Variants in XKR4 observed in about 807,000 individuals in gnomAD.
XKR4 encodes the protein XK related 4.
A neutral mutation model predicts 53.9 loss-of-function variants in XKR4; 12 were observed. That is an observed-to-expected ratio of 0.22 (90% CI 0.14 to 0.36). The LOEUF (loss-of-function observed/expected upper bound fraction) is 0.36, where lower values mean the gene tolerates loss of function less well. Among genes scored for constraint, XKR4 ranks in the 10% least tolerant of loss-of-function variants. The probability of loss-of-function intolerance (pLI) is 1.00; values close to 1 mark genes in which losing one functional copy is unlikely to be tolerated. For missense variants in XKR4, 799 were observed against 859.5 expected, an observed-to-expected ratio of 0.93 and a Z score of 0.88; for synonymous variants, 354 against 362.4, an observed-to-expected ratio of 0.98 and a Z score of 0.26.
intron 2 of XKR4, among the ~76,000 whole-genome samples, chr8:55,438,590 G>GA (rs751832656): frequency 0.078 from 7,674 of 99,000 alleles, 517 homozygotes; most frequent in East Asian, 0.27. Context: ...ACTCCATCTT[G>GA]AAAAAAAAAA....
chr8:55,442,705 T>C (rs1050206761), intron 2 of XKR4, among the ~76,000 whole-genome samples: 6 of 152,128 alleles, frequency 3.9e-5, no homozygotes, highest in Non-Finnish European at 7.4e-5. Flanking sequence ...TCATGCTAAG[T>C]GAAAGAAACC....
At chr8:55,362,232 G>C (rs944403089) in intron 2 of XKR4, among the ~76,000 whole-genome samples, 1 of 151,726 alleles carries the variant, frequency 6.6e-6, no homozygotes, top group South Asian at 2.1e-4. Context: ...CTGAGTTTTA[G>C]AACAGGGAAA....
intron 2 of XKR4, among the ~76,000 whole-genome samples, chr8:55,502,056 T>C (rs186323778): frequency 6.6e-6 from 1 of 152,312 alleles, no homozygotes; most frequent in East Asian, 1.9e-4. Context: ...GTTTAGGGGA[T>C]AATGACAAGA....
intron 1 of XKR4, among the ~76,000 whole-genome samples, chr8:55,196,090 G>A (rs1817501315): frequency 6.6e-6 from 1 of 151,934 alleles, no homozygotes; most frequent in East Asian, 1.9e-4. Flanking sequence ...GCAGAGAGAA[G>A]CCACTCAGTC....
intron 2 of XKR4, among the ~76,000 whole-genome samples, chr8:55,416,091 A>G (rs1408198210): frequency 6.6e-6 from 1 of 152,192 alleles, no homozygotes; most frequent in Non-Finnish European, 1.5e-5. Flanking sequence ...TAAGTTTGTA[A>G]TTAAAGACCT....
intron 2 of XKR4, among the ~76,000 whole-genome samples, chr8:55,438,955 C>T (rs1386473954): frequency 6.6e-6 from 1 of 152,028 alleles, no homozygotes; most frequent in African/African-American, 2.4e-5. Flanking sequence ...ATCTGAAATA[C>T]CCACATAAAG....
chr8:55,477,746 T>G (rs1806022644), intron 2 of XKR4, among the ~76,000 whole-genome samples: 1 of 152,052 alleles, frequency 6.6e-6, no homozygotes, highest in Non-Finnish European at 1.5e-5. Context: ...GCTCGAGAAC[T>G]ACGTGAAGAA....
chr8:55,406,964 C>T (rs1317568842), intron 2 of XKR4, among the ~76,000 whole-genome samples: 2 of 152,150 alleles, frequency 1.3e-5, no homozygotes, highest in African/African-American at 4.8e-5. Context: ...TATAGGGGTT[C>T]TTAGTAGAAA....
intron 2 of XKR4, among the ~76,000 whole-genome samples, chr8:55,375,585 C>A (rs1804133815): frequency 6.6e-6 from 1 of 152,168 alleles, no homozygotes; most frequent in South Asian, 2.1e-4. Context: ...TGAAACCTCA[C>A]GAATCTTCCA....
In XKR4 at chr8:55,485,641, C is replaced by T. The variant is rs548667673; in HGVS notation, c.1007-37640C>T. 5.9e-5 allele frequency among the ~76,000 whole-genome samples: 9 copies of T among 152,214 alleles called. No homozygotes were observed. In the South Asian group the frequency reaches 1.0e-3, roughly 18 times the overall value. ...CCCCCCTCAGCCTCCAAAAGTGATC[C>T]GTCTGCCTTGGCCTCCGAAAGTGCT... is the stretch of plus-strand genomic sequence containing the variant. On this transcript the variant is annotated intron_variant, in intron 2 of 2. Coordinates refer to ENST00000327381, the MANE Select transcript of XKR4 (RefSeq NM_052898.2).
At chr8:55,515,959 T>A (rs1276712875) in intron 2 of XKR4, among the ~76,000 whole-genome samples, 1 of 152,170 alleles carries the variant, frequency 6.6e-6, no homozygotes, top group Non-Finnish European at 1.5e-5. Context: ...TACCAATCCA[T>A]TGTGGTGGAT....
chr8:55,112,322 T>C lies in XKR4; in HGVS notation c.806+9028T>C, dbSNP rs1053394126. On this transcript the variant is annotated intron_variant, in intron 1 of 2. Coordinates refer to ENST00000327381, the MANE Select transcript of XKR4 (RefSeq NM_052898.2). ...GTGGGGTGAGTAACGATGAGTCAAATAGAGAATCATGCACATATAGAAGTA... is the reference window on the plus strand; with the variant it reads ...GTGGGGTGAGTAACGATGAGTCAAACAGAGAATCATGCACATATAGAAGTA... Among the ~76,000 whole-genome samples the C allele has an allele frequency of 2.6e-5, 4 of 152,254 alleles. No individual in the cohort carries two copies. In the South Asian group the frequency reaches 8.3e-4, roughly 32 times the overall value.
At chr8:55,412,522 C>G (rs6982536) in intron 2 of XKR4, among the ~76,000 whole-genome samples, 1 of 152,280 alleles carries the variant, frequency 6.6e-6, no homozygotes, top group African/African-American at 2.4e-5. Context: ...TTGCACCCGG[C>G]GCTGCGGTTT....
chr8:55,440,708 A>T (rs1304537786), intron 2 of XKR4, among the ~76,000 whole-genome samples: 1 of 152,216 alleles, frequency 6.6e-6, no homozygotes, highest in Non-Finnish European at 1.5e-5. Context: ...ATTATATAGT[A>T]GAGATAGATA....
chr8:55,254,023 C>G (rs558988725), intron 1 of XKR4, among the ~76,000 whole-genome samples: 3 of 151,878 alleles, frequency 2.0e-5, no homozygotes, highest in Admixed American at 6.6e-5. Context: ...CCTGGCCTGT[C>G]GCCTATTTTC....
In XKR4 at chr8:55,375,449, C is replaced by T. The variant is rs147549875; in HGVS notation, c.1006+17572C>T. 7.0e-3 allele frequency among the ~76,000 whole-genome samples: 1,064 copies of T among 152,258 alleles called. 8 individuals are homozygous for T. The highest frequency in any genetic ancestry group is 0.011 in the Non-Finnish European group (766 of 68,026). ...ACCAATTTAAACTCGTTTCACCTAA[C>T]CTTGAGGTGAAATGTTACCTCTTCC... On this transcript the variant is annotated intron_variant, in intron 2 of 2. Transcript: ENST00000327381.
intron 2 of XKR4, among the ~76,000 whole-genome samples, chr8:55,409,150 T>C (rs1804739064): frequency 6.6e-6 from 1 of 152,138 alleles, no homozygotes; most frequent in South Asian, 2.1e-4. Context: ...TTGCCAAAGC[T>C]GTGAACCAAT....
intron 1 of XKR4, among the ~76,000 whole-genome samples, chr8:55,141,439 C>T (rs971687356): frequency 1.1e-4 from 16 of 152,078 alleles, no homozygotes; most frequent in Non-Finnish European, 2.1e-4. Context: ...TCCGTCTCTA[C>T]TGGGGCCCCA....
rs1434482303 is a variant in XKR4 at position 55,525,034 on chromosome 8, AAAATGT to A, written c.*810_*815del. 6.5e-6 allele frequency: 1 copy of A among 152,684 alleles called. No homozygotes were observed. The highest frequency in any genetic ancestry group is 1.5e-5 in the Non-Finnish European group (1 of 68,048). The allele number at this position is 152,684 out of a possible 1,614,324, so 9.5% of individuals were successfully genotyped here. A position where few individuals can be genotyped will look rare whatever the true frequency, so the allele number is the denominator to read the frequency against. On this transcript the variant is annotated 3_prime_UTR_variant, in exon 3 of 3. Coordinates refer to ENST00000327381, the MANE Select transcript of XKR4 (RefSeq NM_052898.2). ...AATCATGATTCAGTATTCAATTGCAAAAATGTAACAGGTACACAAAGAGGAAGTGGG... is the reference window on the plus strand; with the variant it reads ...AATCATGATTCAGTATTCAATTGCAAAACAGGTACACAAAGAGGAAGTGGG...
Sources: gnomAD v4.1 joint callset for allele counts (sites outside exome capture counted in the v4.1 genomes callset) on GRCh38, gnomAD v4.1.1 for gene constraint, MANE v1.5 for transcripts, NCBI Gene and HGNC (gene_info 2026-07-23, HGNC 2026-07-21) for gene names.